ZNF420: variants seen among roughly 807,000 people sequenced by gnomAD.
The protein encoded by ZNF420 is zinc finger protein 420, also known as ATM and p53-associated KZNF protein.
Under a neutral mutation model 44.7 loss-of-function variants are expected in ZNF420, and 31 were observed. The ratio of observed to expected loss-of-function variants is 0.69; its 90% CI spans 0.52 to 0.94. The LOEUF (loss-of-function observed/expected upper bound fraction) is 0.94, where lower values mean the gene tolerates loss of function less well. ZNF420 is among the 40% of genes least tolerant of loss of function. The probability of loss-of-function intolerance (pLI) is 0.00; values close to 1 mark genes in which losing one functional copy is unlikely to be tolerated. For missense variants in ZNF420, 681 were observed against 827.9 expected (o/e 0.82, Z 2.18); for synonymous variants, 245 against 267.4 (o/e 0.92, Z 0.82).
At chr19:37,087,290 A>AT (rs1555756783) in intron 2 of ZNF420, among the ~76,000 whole-genome samples, 9,905 of 83,102 alleles carry the variant, frequency 0.12, 463 homozygotes, top group Middle Eastern at 0.16. Context: ...CTCAAAAAAA[A>AT]AAATAAATAA....
Position 37,128,735 on chromosome 19 carries a change from A to C in ZNF420, c.1744A>C (p.Thr582Pro). 6.2e-7 allele frequency: 1 copy of C among 1,613,924 alleles called. No individual in the cohort carries two copies. Among genetic ancestry groups the C allele is most frequent in the Non-Finnish European group, 8.5e-7 (1 of 1,179,948 alleles). ...GTTGACTCAACATCAGCGAATTCACACTGGAGAAAAACCCTATGAATGCAA... is the reference window on the plus strand; with the variant it reads ...GTTGACTCAACATCAGCGAATTCACCCTGGAGAAAAACCCTATGAATGCAA... ...SQLTQHQRIH[T>P]GEKPYECKEC... The change falls in exon 5 of 5, where the codon ACT becomes CCT. Residue 582 changes from threonine to proline, a missense_variant. Physicochemically the swap from Thr to Pro is conservative, Grantham distance 38 (BLOSUM62 -1). Coordinates refer to ENST00000337995, the MANE Select transcript of ZNF420 (RefSeq NM_144689.5).
At position 37,127,245 on chromosome 19, in the gene ZNF420, A is replaced by G. The variant is rs1971397100; in HGVS notation, c.254A>G (p.Asn85Ser). The change falls in exon 5 of 5, where the codon AAT becomes AGT. Residue 85 changes from asparagine to serine, a missense_variant. Asn to Ser is a conservative substitution (Grantham distance 46). Around this residue, in one of 3 missense-constraint regions of ZNF420, gnomAD observed 350 missense variants for 382.5 expected, o/e 0.92. Coordinates refer to ENST00000337995, the MANE Select transcript of ZNF420 (RefSeq NM_144689.5). Reference sequence around the variant, plus strand: ...GAAAACTGTGATCTTGAAGAGTCCAATTCCAGGGATTATTTGGAAGCCAAA... The same window carrying G: ...GAAAACTGTGATCTTGAAGAGTCCAGTTCCAGGGATTATTTGGAAGCCAAA... ...RLENCDLEES[N>S]SRDYLEAKGK... 1 of 1,613,516 alleles carries G rather than the reference A, an allele frequency of 6.2e-7. No homozygotes were observed. Among genetic ancestry groups the G allele is most frequent in the African/African-American group, 1.3e-5 (1 of 75,020 alleles).
At chr19:37,075,446 TAA>T (rs1968128383), upstream of ZNF420, among the ~76,000 whole-genome samples, 2 of 152,118 alleles carry the variant, frequency 1.3e-5, no homozygotes, top group African/African-American at 4.8e-5. Flanking sequence ...GCTACCTTGC[TAA>T]AAGAGAGAGA....
chr19:37,117,387 C>T (rs924696145), intron 4 of ZNF420, among the ~76,000 whole-genome samples: 1 of 152,204 alleles, frequency 6.6e-6, no homozygotes, highest in Admixed American at 6.5e-5. Context: ...CTAGCAAACT[C>T]CAACAGACCT....
intron 1 of ZNF420, among the ~76,000 whole-genome samples, chr19:37,018,743 T>C (rs1214534102): frequency 1.3e-5 from 2 of 152,128 alleles, no homozygotes; most frequent in Non-Finnish European, 2.9e-5. Context: ...AATTTTTTTA[T>C]ATTTTTAGTA....
Position 37,056,489 on chromosome 19 carries a change from C to A in ZNF420, c.-124-23856C>A, listed in dbSNP as rs140028331. On this transcript the variant is annotated intron_variant, in intron 1 of 4. Coordinates refer to the ZNF420 transcript ENST00000587029. ...GGCTCCACCTTGGACTCGCCCCTGT[C>A]CCTGTTTGCACTTGTCCTGGAAAGC... is the stretch of plus-strand genomic sequence containing the variant. Among the ~76,000 whole-genome samples the A allele has an allele frequency of 1.7e-3, 256 of 152,300 alleles. 3 individuals are homozygous for A. The East Asian group carries it at 0.041, about 24-fold the overall frequency.
intron 1 of ZNF420, among the ~76,000 whole-genome samples, chr19:37,057,741 C>A (rs1188949143): frequency 6.6e-6 from 1 of 152,092 alleles, no homozygotes; most frequent in Non-Finnish European, 1.5e-5. Context: ...TCATCCCCAT[C>A]CTGAGCGGCT....
At chr19:37,075,741 C>CAAAACA (rs549106473), upstream of ZNF420, among the ~76,000 whole-genome samples, 153 of 151,556 alleles carry the variant, frequency 1.0e-3, no homozygotes, top group African/African-American at 3.4e-3. Context: ...GACTCTGTCT[C>CAAAACA]AAAACAAAAA....
At chr19:37,110,470 CATTTG>C (rs2146658425) in intron 4 of ZNF420, among the ~76,000 whole-genome samples, 1 of 152,266 alleles carries the variant, frequency 6.6e-6, no homozygotes, top group East Asian at 1.9e-4. Context: ...TCAGCTTGTT[CATTTG>C]CTTTAGTCAA....
At chr19:37,047,760 T>C (rs1425599651) in intron 1 of ZNF420, among the ~76,000 whole-genome samples, 1 of 152,216 alleles carries the variant, frequency 6.6e-6, no homozygotes, top group Non-Finnish European at 1.5e-5. Context: ...CTCTTAAGGG[T>C]TCAGTTTCTG....
intron 4 of ZNF420, chr19:37,095,936 T>C (rs1969429725): frequency 6.6e-6 from 1 of 152,230 alleles, no homozygotes; most frequent in African/African-American, 2.4e-5. Flanking sequence ...TGTTTGTTTT[T>C]GTCATTGTTG....
upstream of ZNF420, among the ~76,000 whole-genome samples, chr19:37,076,637 C>A (rs1352618002): frequency 6.6e-6 from 1 of 152,106 alleles, no homozygotes; most frequent in Non-Finnish European, 1.5e-5. Flanking sequence ...GGTTTTCTGT[C>A]CTTGCGATAG....
At chr19:37,067,756 A>C (rs537625607) in intron 1 of ZNF420, among the ~76,000 whole-genome samples, 2 of 152,312 alleles carry the variant, frequency 1.3e-5, no homozygotes, top group South Asian at 4.1e-4. Context: ...GTAAGCAAAG[A>C]AAGCAGTAAA....
chr19:37,044,065 T>C (rs201408990), intron 1 of ZNF420, among the ~76,000 whole-genome samples: 2 of 152,206 alleles, frequency 1.3e-5, no homozygotes, highest in Admixed American at 1.3e-4. Flanking sequence ...TTCATGAACA[T>C]AGTGCTACTG....
At chr19:37,101,514 C>G (rs1969775896) in intron 4 of ZNF420, among the ~76,000 whole-genome samples, 1 of 152,198 alleles carries the variant, frequency 6.6e-6, no homozygotes, top group African/African-American at 2.4e-5. Flanking sequence ...ATCAGTCAAT[C>G]AATCAAGTTC....
chr19:37,083,507 T>G (rs1270110788), intron 2 of ZNF420, among the ~76,000 whole-genome samples: 1 of 152,222 alleles, frequency 6.6e-6, no homozygotes, highest in African/African-American at 2.4e-5. Context: ...TCTTTTAAAC[T>G]ATTATTATTA....
At position 37,039,882 on chromosome 19, in the gene ZNF420, T is replaced by G. The variant is rs143488509; in HGVS notation, c.-125+31800T>G. ...TACATAGCTACTTTTTGATTTGTTT[T>G]TTTGTTTGTTTGTTTGTTGTTGTTG... is the stretch of plus-strand genomic sequence containing the variant. On this transcript the variant is annotated intron_variant, in intron 1 of 4. Transcript: ENST00000587029. Among the ~76,000 whole-genome samples the G allele has an allele frequency of 2.2e-4, 34 of 152,028 alleles. No homozygotes were observed. In the East Asian group the frequency reaches 5.2e-3, roughly 23 times the overall value.
At chr19:37,054,529 G>T (rs898833970) in intron 1 of ZNF420, among the ~76,000 whole-genome samples, 16 of 152,170 alleles carry the variant, frequency 1.1e-4, no homozygotes, top group Admixed American at 9.8e-4. Context: ...GTATCTTTTA[G>T]TCTATGAAGA....
At chr19:37,074,185 C>T (rs1968109280), upstream of ZNF420, among the ~76,000 whole-genome samples, 1 of 151,998 alleles carries the variant, frequency 6.6e-6, no homozygotes, top group South Asian at 2.1e-4. Context: ...ACTTCTTAGC[C>T]TCAAAGAAAA....
Sources: allele counts gnomAD v4.1 joint callset (sites outside exome capture counted in the v4.1 genomes callset), GRCh38; gene constraint gnomAD v4.1.1; regional missense constraint gnomAD v4.1.1; transcripts MANE v1.5; gene names NCBI Gene and HGNC (gene_info 2026-07-23, HGNC 2026-07-21).